Variants in RCOR1 observed in about 807,000 individuals in gnomAD.
RCOR1 encodes the protein REST corepressor 1.
RCOR1 carries 12 observed loss-of-function variants against 64.0 expected under a neutral mutation model. That is an observed-to-expected ratio of 0.19 (90% CI 0.12 to 0.30). The LOEUF (loss-of-function observed/expected upper bound fraction) is 0.30, where lower values mean the gene tolerates loss of function less well. RCOR1 is among the 10% of genes least tolerant of loss of function. The pLI is 1.00. For missense variants in RCOR1, 502 were observed against 621.2 expected, an observed-to-expected ratio of 0.81 and a Z score of 2.04; for synonymous variants, 279 against 227.2, an observed-to-expected ratio of 1.23 and a Z score of -2.05.
At chr14:102,660,589 C>CT (rs1344171270) in intron 2 of RCOR1, among the ~76,000 whole-genome samples, 3 of 152,178 alleles carry the variant, frequency 2.0e-5, no homozygotes, top group South Asian at 2.1e-4. Context: ...AGGCTGATCT[C>CT]TAACTCCTGG....
chr14:102,677,420 C>T (rs1198620251), intron 2 of RCOR1, among the ~76,000 whole-genome samples: 2 of 141,556 alleles, frequency 1.4e-5, no homozygotes, highest in Admixed American at 6.8e-5. Context: ...GGCTGCCGGA[C>T]GGAGGGGCTC....
intron 11 of RCOR1, among the ~76,000 whole-genome samples, chr14:102,725,122 A>T (rs1896234944): frequency 6.6e-6 from 1 of 152,226 alleles, no homozygotes; most frequent in African/African-American, 2.4e-5. Context: ...CCAACCTTAC[A>T]CTGAAGAAAG....
At position 102,730,123 on chromosome 14, in the gene RCOR1, T is replaced by C; in HGVS notation, c.*3617T>C. 2 of 398,442 alleles carry C rather than the reference T, an allele frequency of 5.0e-6. No homozygotes were observed. The highest frequency in any genetic ancestry group is 4.4e-5 in the Admixed American group (1 of 22,734). 24.7% of individuals were successfully genotyped at this position (398,442 alleles called of 1,614,324 possible). A position where few individuals can be genotyped will look rare whatever the true frequency, so the allele number is the denominator to read the frequency against. ...TGCATGTTGTGTGATGATGAGTGTT[T>C]ACAGCCACCTTCTCCTAAAACGAAA... is the stretch of plus-strand genomic sequence containing the variant. On this transcript the variant is annotated 3_prime_UTR_variant, in exon 12 of 12. Coordinates refer to ENST00000262241, the MANE Select transcript of RCOR1 (RefSeq NM_015156.4).
Position 102,679,316 on chromosome 14 carries a change from A to C in RCOR1, c.362-2579A>C, listed in dbSNP as rs142128346. On this transcript the variant is annotated intron_variant, in intron 2 of 11. Coordinates refer to ENST00000262241, the MANE Select transcript of RCOR1 (RefSeq NM_015156.4). ...TATGGATCCAAATTTTTTTAAAAAAATGTTTGTTTTGTTTTTGCATGTGAA... is the reference window on the plus strand; with the variant it reads ...TATGGATCCAAATTTTTTTAAAAAACTGTTTGTTTTGTTTTTGCATGTGAA... Among the ~76,000 whole-genome samples the C allele has an allele frequency of 2.6e-3, 397 of 152,164 alleles. 5 individuals are homozygous for C. Among genetic ancestry groups the C allele is most frequent in the Non-Finnish European group, 4.2e-3 (284 of 68,014 alleles).
At chr14:102,648,179 G>C (rs768619256) in intron 2 of RCOR1, among the ~76,000 whole-genome samples, 1 of 152,016 alleles carries the variant, frequency 6.6e-6, no homozygotes, top group Non-Finnish European at 1.5e-5. Flanking sequence ...CCCGGGTTCA[G>C]ACAATTCTCC....
At chr14:102,646,254 T>C (rs1190334) in intron 2 of RCOR1, among the ~76,000 whole-genome samples, 56,071 of 151,996 alleles carry the variant, frequency 0.37, 11,318 homozygotes, top group African/African-American at 0.53. Context: ...CAGCTGTGTA[T>C]GTGACATTAA....
intron 2 of RCOR1, among the ~76,000 whole-genome samples, chr14:102,605,571 C>G (rs1893489293): frequency 6.6e-6 from 1 of 152,062 alleles, no homozygotes; most frequent in Non-Finnish European, 1.5e-5. Context: ...GTAAACAAAC[C>G]TACTGCACTG....
At chr14:102,653,995 T>TCTTTC (rs1567423523) in intron 2 of RCOR1, among the ~76,000 whole-genome samples, 1 of 119,104 alleles carries the variant, frequency 8.4e-6, no homozygotes, top group African/African-American at 3.7e-5. Flanking sequence ...TTTTTTTTTT[T>TCTTTC]TTTTTTTTGA....
intron 11 of RCOR1, among the ~76,000 whole-genome samples, chr14:102,726,184 G>A (rs1346657501): frequency 2.0e-5 from 3 of 152,066 alleles, no homozygotes; most frequent in Middle Eastern, 3.4e-3. Flanking sequence ...AAAATTAGCT[G>A]GGCGTGGAGG....
Position 102,721,003 on chromosome 14 carries a change from C to A in RCOR1, c.1054-4C>A. The stretch of plus-strand genomic sequence containing the variant: ...TAAAATGAAAATTATTTTTTCCTTC[C>A]TAGATCCAGAATATTAAACAGACAA... On this transcript the variant is annotated splice_polypyrimidine_tract_variant and splice_region_variant and intron_variant, in intron 8 of 11. Transcript: ENST00000262241. The A allele has an allele frequency of 1.4e-6, 2 of 1,440,346 alleles. No homozygotes were observed. The highest frequency in any genetic ancestry group is 1.9e-6 in the Non-Finnish European group (2 of 1,059,830). 89.2% of individuals were successfully genotyped at this position (1,440,346 alleles called of 1,614,324 possible).
intron 2 of RCOR1, among the ~76,000 whole-genome samples, chr14:102,611,621 TTGA>T (rs925092528): frequency 2.6e-5 from 4 of 152,226 alleles, no homozygotes; most frequent in Non-Finnish European, 5.9e-5. Context: ...TAAAAATAGT[TTGA>T]TGAAGTCTTG....
At chr14:102,617,587 C>CTTTTTT (rs71119722) in intron 2 of RCOR1, among the ~76,000 whole-genome samples, 4 of 118,266 alleles carry the variant, frequency 3.4e-5, no homozygotes, top group South Asian at 2.8e-4. Flanking sequence ...CTGTCTCTTT[C>CTTTTTT]TTTTTTTTTT....
chr14:102,704,421 C>T (rs1052563365), intron 4 of RCOR1, among the ~76,000 whole-genome samples: 1 of 152,050 alleles, frequency 6.6e-6, no homozygotes, highest in Non-Finnish European at 1.5e-5. Flanking sequence ...AAACAAAAAC[C>T]CTTCTGAGAT....
At chr14:102,611,398 C>T (rs1893634624) in intron 2 of RCOR1, among the ~76,000 whole-genome samples, 1 of 152,166 alleles carries the variant, frequency 6.6e-6, no homozygotes, top group African/African-American at 2.4e-5. Context: ...ATGCCCTTGT[C>T]TACTAATTCT....
intron 3 of RCOR1, among the ~76,000 whole-genome samples, chr14:102,684,821 C>T (rs779569451): frequency 8.6e-5 from 13 of 152,010 alleles, no homozygotes; most frequent in East Asian, 1.9e-4. Flanking sequence ...GCAGTTTCCA[C>T]GTTGTTAAAA....
Position 102,595,832 on chromosome 14 carries a change from G to A in RCOR1, c.361+2507G>A, listed in dbSNP as rs572563754. Among the ~76,000 whole-genome samples the A allele has an allele frequency of 4.6e-5, 7 of 151,996 alleles. No homozygotes were observed. The East Asian group carries it at 7.7e-4, about 17-fold the overall frequency. Reference sequence around the variant, plus strand: ...CTGACCTCGTGATCCGCCCGTCTCGGCCTCTCATAGTGCTGGGATTACAGG... The same window carrying A: ...CTGACCTCGTGATCCGCCCGTCTCGACCTCTCATAGTGCTGGGATTACAGG... On this transcript the variant is annotated intron_variant, in intron 2 of 11. Transcript: ENST00000262241.
At chr14:102,598,552 G>A (rs1480241640) in intron 2 of RCOR1, among the ~76,000 whole-genome samples, 1 of 100,672 alleles carries the variant, frequency 9.9e-6, no homozygotes, top group African/African-American at 3.0e-5. Context: ...GGTTCATGCC[G>A]TTCTCCTGCC....
At chr14:102,622,565 T>G (rs1428014346) in intron 2 of RCOR1, among the ~76,000 whole-genome samples, 2 of 152,178 alleles carry the variant, frequency 1.3e-5, no homozygotes, top group Non-Finnish European at 2.9e-5. Flanking sequence ...TTGGAACTTT[T>G]CCCTGAGCCC....
chr14:102,656,984 A>G (rs1246778951), intron 2 of RCOR1: 7 of 488,148 alleles, frequency 1.4e-5, no homozygotes, highest in Non-Finnish European at 1.9e-5. Context: ...CATGTTGGCC[A>G]GGATGGTCGC....
Sources: allele counts gnomAD v4.1 joint callset (sites outside exome capture counted in the v4.1 genomes callset), GRCh38; gene constraint gnomAD v4.1.1; transcripts MANE v1.5; gene names NCBI Gene and HGNC (gene_info 2026-07-23, HGNC 2026-07-21).